NEBL: variants seen among roughly 807,000 people sequenced by gnomAD.
NEBL encodes LIM and SH3 protein 2.
A neutral mutation model predicts 140.2 loss-of-function variants in NEBL; 122 were observed. The observed-to-expected ratio is 0.87, with a 90% CI of 0.75 to 1.01. The LOEUF (loss-of-function observed/expected upper bound fraction) is 1.01, where lower values mean the gene tolerates loss of function less well. Ranked by LOEUF, NEBL falls within the 50% of genes least tolerant of loss-of-function variation. The pLI, the probability that NEBL is intolerant of heterozygous loss-of-function variation, is 0.00. For missense variants in NEBL, 1,365 were observed against 1,231.3 expected (o/e 1.11, Z -1.62); for synonymous variants, 436 against 398.9 (o/e 1.09, Z -1.11).
chr10:21,035,631 C>T lies in NEBL; in HGVS notation c.165-15430G>A, dbSNP rs149472285. 2.0e-3 allele frequency among the ~76,000 whole-genome samples: 306 copies of T among 152,238 alleles called. 1 individual carries two copies. Among genetic ancestry groups the T allele is most frequent in the African/African-American group, 7.0e-3 (291 of 41,526 alleles). On this transcript the variant is annotated intron_variant, in intron 2 of 6. Transcript: ENST00000417816. ...CTTGAATCAGGAGAAAGATGTCCAG[C>T]TTTAAGCCTTTTCCATCACAGGATA...
chr10:21,084,765 T>G (rs1173814869), intron 2 of NEBL, among the ~76,000 whole-genome samples: 1 of 152,162 alleles, frequency 6.6e-6, no homozygotes, highest in Non-Finnish European at 1.5e-5. Context: ...TTCTCCCTCC[T>G]GCTCCATTGC....
intron 2 of NEBL, among the ~76,000 whole-genome samples, chr10:21,079,602 C>T (rs1836276269): frequency 1.3e-5 from 2 of 152,218 alleles, no homozygotes; most frequent in Non-Finnish European, 2.9e-5. Flanking sequence ...GGCTCAACAA[C>T]TTCTCACCCA....
At chr10:21,130,385 C>T (rs1279659369) in intron 2 of NEBL, among the ~76,000 whole-genome samples, 2 of 152,052 alleles carry the variant, frequency 1.3e-5, no homozygotes, top group Admixed American at 1.3e-4. Flanking sequence ...AATTCAACAC[C>T]AGCATCAATC....
chr10:20,897,385 A>T, upstream of NEBL: 1 of 1,405,668 alleles, frequency 7.1e-7, no homozygotes, highest in Non-Finnish European at 9.2e-7. Context: ...GTGAACAGAA[A>T]AGGATCCCAG....
intron 3 of NEBL, among the ~76,000 whole-genome samples, chr10:20,981,633 T>G (rs949960273): frequency 1.3e-5 from 2 of 152,084 alleles, no homozygotes; most frequent in Non-Finnish European, 2.9e-5. Context: ...TACTTCCCTA[T>G]TTCAGTGACT....
chr10:21,190,540 T>C (rs1340851375), intron 3 of NEBL, among the ~76,000 whole-genome samples: 1 of 152,296 alleles, frequency 6.6e-6, no homozygotes, highest in East Asian at 1.9e-4. Context: ...GAGTAGTTAA[T>C]AAGAACTTGG....
chr10:21,145,281 C>T (rs1044797338), intron 2 of NEBL, among the ~76,000 whole-genome samples: 3 of 152,162 alleles, frequency 2.0e-5, no homozygotes, highest in Admixed American at 1.3e-4. Flanking sequence ...TCTTTCAGTA[C>T]TCCCCTACAG....
chr10:21,180,628 C>T (rs942713858), intron 3 of NEBL, among the ~76,000 whole-genome samples: 1 of 152,132 alleles, frequency 6.6e-6, no homozygotes, highest in Admixed American at 6.5e-5. Flanking sequence ...TTAGTAGCAT[C>T]CTCATCTTCT....
chr10:21,193,615 A>G (rs1356536829), intron 3 of NEBL, among the ~76,000 whole-genome samples: 2 of 152,238 alleles, frequency 1.3e-5, no homozygotes, highest in African/African-American at 4.8e-5. Flanking sequence ...CAACAGAAGG[A>G]CAAAGGGAGA....
chr10:20,867,538 T>C (rs984705379), intron 7 of NEBL, among the ~76,000 whole-genome samples: 8 of 152,176 alleles, frequency 5.3e-5, no homozygotes, highest in African/African-American at 1.7e-4. Context: ...TTTACATAGT[T>C]AATGTGCCTA....
At chr10:21,257,681 C>T (rs531719879) in intron 1 of NEBL, among the ~76,000 whole-genome samples, 1 of 152,074 alleles carries the variant, frequency 6.6e-6, no homozygotes, top group South Asian at 2.1e-4. Context: ...GTCAGGAGAT[C>T]GAGACCATCC....
chr10:21,007,146 T>C (rs563464730), intron 3 of NEBL, among the ~76,000 whole-genome samples: 2 of 151,842 alleles, frequency 1.3e-5, no homozygotes, highest in African/African-American at 4.8e-5. Context: ...TGGGAGAATA[T>C]ATTTTGAGGG....
At position 21,173,895 on chromosome 10, in the gene NEBL, T is replaced by C. The variant is rs1265471726; in HGVS notation, c.-62A>G. 3.8e-6 allele frequency: 6 copies of C among 1,580,468 alleles called. No individual in the cohort carries two copies. The highest frequency in any genetic ancestry group is 5.1e-6 in the Non-Finnish European group (6 of 1,169,524). The stretch of plus-strand genomic sequence containing the variant: ...CTGGCTCCCAGGAGCCGCTGTGACA[T>C]CCCCCGGCGAGCCCCGCACCGCCTC... On this transcript the variant is annotated 5_prime_UTR_variant, in exon 1 of 7. Coordinates refer to the NEBL transcript ENST00000417816. The surrounding 1 kb of genome is among the most constrained non-coding windows in gnomAD (Gnocchi z 5.7).
chr10:20,833,103 T>C (rs1056824574), intron 14 of NEBL, among the ~76,000 whole-genome samples: 2 of 152,216 alleles, frequency 1.3e-5, no homozygotes, highest in African/African-American at 4.8e-5. Context: ...GCACATAGAC[T>C]ACATTAGACA....
At chr10:21,196,893 T>C (rs1164362540) in intron 3 of NEBL, among the ~76,000 whole-genome samples, 3 of 152,282 alleles carry the variant, frequency 2.0e-5, no homozygotes, top group Non-Finnish European at 4.4e-5. Context: ...TATAATGCTA[T>C]CTTTCCTCTA....
chr10:21,041,079 C>A (rs1258627025), intron 2 of NEBL, among the ~76,000 whole-genome samples: 1 of 152,162 alleles, frequency 6.6e-6, no homozygotes. Flanking sequence ...ATTTTAGGTT[C>A]AAGGGCTCCA....
rs369160787 is a variant in NEBL at position 20,799,954 on chromosome 10, G to A, written c.2761+8556C>T. ...GTGTGTGTGTGTGTGTGTGTGAGAC[G>A]GAGAAAGAGAGAGCGCACGCGTGTG... On this transcript the variant is annotated intron_variant, in intron 26 of 27. Coordinates refer to ENST00000377122, the MANE Select transcript of NEBL (RefSeq NM_006393.3). Among the ~76,000 whole-genome samples the A allele has an allele frequency of 9.4e-5, 14 of 149,116 alleles. No homozygotes were observed. In the South Asian group the frequency reaches 2.6e-3, roughly 27 times the overall value.
At chr10:20,884,823 G>A (rs888220223) in intron 4 of NEBL, among the ~76,000 whole-genome samples, 2 of 152,242 alleles carry the variant, frequency 1.3e-5, no homozygotes, top group African/African-American at 4.8e-5. Flanking sequence ...CAGCCCTAAT[G>A]AGAAGGATCT....
At chr10:21,185,787 T>C (rs560531819) in intron 3 of NEBL, among the ~76,000 whole-genome samples, 4 of 152,312 alleles carry the variant, frequency 2.6e-5, no homozygotes, top group South Asian at 2.1e-4. Flanking sequence ...CGTGACCCAC[T>C]GCGCCCTACC....
Sources: allele counts gnomAD v4.1 joint callset (sites outside exome capture counted in the v4.1 genomes callset), GRCh38; gene constraint gnomAD v4.1.1; non-coding constraint Gnocchi (gnomAD v3.1); transcripts MANE v1.5; gene names NCBI Gene and HGNC (gene_info 2026-07-23, HGNC 2026-07-21).